Variants in SLC26A4 observed in about 807,000 individuals in gnomAD.
The protein encoded by SLC26A4 is solute carrier family 26 member 4.
A neutral mutation model predicts 90.4 loss-of-function variants in SLC26A4; 93 were observed. That is an observed-to-expected ratio of 1.03 (90% CI 0.87 to 1.22). The LOEUF (loss-of-function observed/expected upper bound fraction) is 1.22, where lower values mean the gene tolerates loss of function less well. Ranked by LOEUF, SLC26A4 falls within the 50% of genes most tolerant of loss-of-function variation. The probability of loss-of-function intolerance (pLI) is 0.00; values close to 1 mark genes in which losing one functional copy is unlikely to be tolerated. For synonymous variants in SLC26A4, 393 were observed against 354.6 expected (o/e 1.11, Z -1.22); for missense variants, 1,127 against 946.2 (o/e 1.19, Z -2.51).
rs780980532 is a variant in SLC26A4, at chr7:107,661,684, G to A, written c.43G>A (p.Glu15Lys). ...GGRSEPPQLP[E>K]YSCSYMVSRP... Reference sequence around the variant, plus strand: ...CAGGTCGGAGCCGCCGCAGCTCCCCGAGTACAGCTGCAGCTACATGGTGTC... The same window carrying A: ...CAGGTCGGAGCCGCCGCAGCTCCCCAAGTACAGCTGCAGCTACATGGTGTC... Residue 15 changes from glutamate (E) to lysine (K), a missense_variant, in exon 2 of 21, where the codon GAG (glutamate) becomes AAG (lysine). Transcript: ENST00000644269. This position sits in a 1 kb window ranked among gnomAD's most constrained non-coding sequence, Gnocchi z 5.1. 11 of 1,572,582 alleles carry A rather than the reference G, an allele frequency of 7.0e-6. No individual in the cohort carries two copies. The highest frequency in any genetic ancestry group is 1.3e-5 in the African/African-American group (1 of 74,428).
At chr7:107,707,658 T>C (rs1562842378) in intron 18 of SLC26A4, among the ~76,000 whole-genome samples, 1 of 152,254 alleles carries the variant, frequency 6.6e-6, no homozygotes, top group Non-Finnish European at 1.5e-5. Flanking sequence ...TTTCTAGGAA[T>C]GTTATATAAT....
intron 18 of SLC26A4, among the ~76,000 whole-genome samples, chr7:107,705,350 C>T (rs1229145230): frequency 6.6e-6 from 1 of 152,148 alleles, no homozygotes; most frequent in Non-Finnish European, 1.5e-5. Flanking sequence ...CGATGTCTGA[C>T]AGGTGGCTTT....
rs1791905091 is a variant in SLC26A4, at chr7:107,702,011, G to A, written c.1988G>A (p.Gly663Glu). The change falls in exon 17 of 21, where the codon GGA becomes GAA. Residue 663 changes from glycine to glutamate, a missense_variant. Transcript: ENST00000644269. ...ATCCATAGCCTTGTGCTTGACTGTG[G>A]AGCTATATCTTTCCTGGACGTTGTT... Reference protein sequence around the residue: ...VPIHSLVLDCGAISFLDVVGV... With the variant: ...VPIHSLVLDCEAISFLDVVGV... 6.2e-7 allele frequency: 1 copy of A among 1,614,034 alleles called. No homozygotes were observed. The highest frequency in any genetic ancestry group is 1.1e-5 in the South Asian group (1 of 91,076).
intron 4 of SLC26A4, 83 bp downstream of exon 4, chr7:107,672,331 G>T (rs562063991): frequency 7.6e-6 from 5 of 662,232 alleles, no homozygotes; most frequent in African/African-American, 1.9e-5. Context: ...CCTCTATTAG[G>T]TTGGTGCAAA....
At chr7:107,673,675 G>T (rs1380668164) in intron 4 of SLC26A4, among the ~76,000 whole-genome samples, 1 of 152,038 alleles carries the variant, frequency 6.6e-6, no homozygotes, top group Non-Finnish European at 1.5e-5. Context: ...CTACCTACGT[G>T]TCTCTCTCGC....
chr7:107,689,176 T>C lies in SLC26A4; in HGVS notation c.1125T>C (p.Tyr375=). 1 of 1,613,862 alleles carries C rather than the reference T, an allele frequency of 6.2e-7. No individual in the cohort carries two copies. Among genetic ancestry groups the C allele is most frequent in the Non-Finnish European group, 8.5e-7 (1 of 1,179,802 alleles). Residue 375 remains tyrosine (Y), a synonymous_variant, in exon 9 of 21, where the codon TAT becomes TAC. Coordinates refer to ENST00000644269, the MANE Select transcript of SLC26A4 (RefSeq NM_000441.2). ...TAGGAAAAGTATATGCCACCAAGTA[T>C]GATTACACCATCGATGGGAACCAGG... ...VSVGKVYATK[Y]DYTIDGNQEF...
chr7:107,661,236 C>A lies in SLC26A4; in HGVS notation c.-4+381C>A. On this transcript the variant is annotated intron_variant, in intron 1 of 20. Transcript: ENST00000644269. This position sits in a 1 kb window ranked among gnomAD's most constrained non-coding sequence, Gnocchi z 5.1. ...CGGGGAGGGAGGGAATCTCAGTGTC[C>A]CCTTCCAGCCTTGCAAGCGCCTTTG... The A allele has an allele frequency of 4.0e-6, 1 of 249,312 alleles. No individual in the cohort carries two copies. Among genetic ancestry groups the A allele is most frequent in the South Asian group, 5.1e-5 (1 of 19,500 alleles). The allele number at this position is 249,312 out of a possible 1,614,324, so 15.4% of individuals were successfully genotyped here.
At chr7:107,700,974 A>G in intron 15 of SLC26A4, 127 bp from the exon 16 acceptor site, 2 of 693,954 alleles carry the variant, frequency 2.9e-6, no homozygotes, top group Non-Finnish European at 5.3e-6. Context: ...CAGACCTTAC[A>G]ATTTCTTTTT....
rs111033312 is a variant in SLC26A4, at chr7:107,698,112, G to A, written c.1614+1G>A. 44 of 1,591,200 alleles carry A rather than the reference G, an allele frequency of 2.8e-5. No homozygotes were observed. Among genetic ancestry groups the A allele is most frequent in the Non-Finnish European group, 3.5e-5 (41 of 1,159,416 alleles). ...CAAAAGTACCAAGAATTACAAAAACGTAAGTACCTTTGTGAGACATTTGCT... is the reference window on the plus strand; with the variant it reads ...CAAAAGTACCAAGAATTACAAAAACATAAGTACCTTTGTGAGACATTTGCT... On this transcript the variant is annotated splice_donor_variant, in intron 14 of 20. Transcript: ENST00000644269. LOFTEE classifies it high-confidence loss of function.
At position 107,661,613 on chromosome 7, in the gene SLC26A4, C is replaced by A; in HGVS notation, c.-3-26C>A. On this transcript the variant is annotated intron_variant, in intron 1 of 20. Coordinates refer to ENST00000644269, the MANE Select transcript of SLC26A4 (RefSeq NM_000441.2). This position sits in a 1 kb window ranked among gnomAD's most constrained non-coding sequence, Gnocchi z 5.1. Reference sequence around the variant, plus strand: ...TCGTCCTCGCTTACCGCGTGTCCTCCCTCCTCGCTGTCCTCTGGCTCGCAG... The same window carrying A: ...TCGTCCTCGCTTACCGCGTGTCCTCACTCCTCGCTGTCCTCTGGCTCGCAG... The A allele has an allele frequency of 6.5e-7, 1 of 1,546,056 alleles. No individual in the cohort carries two copies.
chr7:107,674,224 A>C lies in SLC26A4; in HGVS notation c.476A>C (p.Glu159Ala). The C allele has an allele frequency of 6.2e-7, 1 of 1,614,122 alleles. No homozygotes were observed. The highest frequency in any genetic ancestry group is 8.5e-7 in the Non-Finnish European group (1 of 1,180,014). ...GSVVLSMAPD[E>A]HFLVSSSNGT... ...GTTGTTCTGAGCATGGCCCCCGACG[A>C]ACACTTTCTCGTATCCAGCAGCAAT... Residue 159 changes from glutamate (E) to alanine (A), a missense_variant, in exon 5 of 21, where the codon GAA (glutamate) becomes GCA (alanine). By Grantham distance (107) the Glu-to-Ala change is moderately radical (BLOSUM62 -1). Transcript: ENST00000644269.
chr7:107,712,304 G>A (rs533552750), intron 19 of SLC26A4, among the ~76,000 whole-genome samples: 3 of 152,210 alleles, frequency 2.0e-5, no homozygotes, highest in Admixed American at 6.5e-5. Context: ...GGTTGGGGAA[G>A]AGAGCTGAAA....
intron 17 of SLC26A4, among the ~76,000 whole-genome samples, chr7:107,703,397 T>A (rs958791715): frequency 1.3e-5 from 2 of 152,214 alleles, no homozygotes; most frequent in African/African-American, 4.8e-5. Flanking sequence ...AGGATGTGGG[T>A]ACTAGGTAGG....
At chr7:107,662,404 G>C (rs916396980) in intron 2 of SLC26A4, among the ~76,000 whole-genome samples, 1 of 152,106 alleles carries the variant, frequency 6.6e-6, no homozygotes, top group African/African-American at 2.4e-5. Context: ...TTTCATTATA[G>C]AACATTTCAA....
At chr7:107,708,154 A>T (rs1792079457) in intron 18 of SLC26A4, among the ~76,000 whole-genome samples, 1 of 152,196 alleles carries the variant, frequency 6.6e-6, no homozygotes. Context: ...GTGTACTTTA[A>T]TATTAATGCT....
chr7:107,678,088 G>C lies in SLC26A4; in HGVS notation c.765+2979G>C, dbSNP rs1791075548. On this transcript the variant is annotated intron_variant, in intron 6 of 20. Transcript: ENST00000644269. ...GGCCACTGCACCTGGCCAATCCTTA[G>C]TTCTTTTTGAGACCTCTGACTGCCT... Among the ~76,000 whole-genome samples the C allele has an allele frequency of 3.3e-5, 5 of 152,238 alleles. No homozygotes were observed. In the South Asian group the frequency reaches 1.0e-3, roughly 32 times the overall value.
chr7:107,667,927 G>A (rs971513108), intron 3 of SLC26A4, among the ~76,000 whole-genome samples: 3 of 152,132 alleles, frequency 2.0e-5, no homozygotes. Context: ...TGCAGAATAT[G>A]TCCCTTAACT....
At chr7:107,685,143 A>T (rs1489384405) in intron 8 of SLC26A4, among the ~76,000 whole-genome samples, 1 of 152,110 alleles carries the variant, frequency 6.6e-6, no homozygotes, top group Non-Finnish European at 1.5e-5. Context: ...GAGGGCAGTG[A>T]CCCCATTGGT....
At chr7:107,677,792 A>G (rs544153695) in intron 6 of SLC26A4, among the ~76,000 whole-genome samples, 111 of 151,830 alleles carry the variant, frequency 7.3e-4, no homozygotes, top group African/African-American at 2.6e-3. Flanking sequence ...TCTTTGTTGA[A>G]TTTTAGTAGA....
Sources: gnomAD v4.1 joint callset for allele counts (sites outside exome capture counted in the v4.1 genomes callset) on GRCh38, gnomAD v4.1.1 for gene constraint, Gnocchi (gnomAD v3.1) non-coding constraint, MANE v1.5 for transcripts, NCBI Gene and HGNC (gene_info 2026-07-23, HGNC 2026-07-21) for gene names.